The following USP7 variants were observed in gnomAD, a reference collection of about 807,000 sequenced individuals.
USP7 encodes ubiquitin C-terminal hydrolase 7.
In USP7, 9 loss-of-function variants were observed where a neutral mutation model predicts 162.9. The observed-to-expected ratio is 0.06, with a 90% CI of 0.03 to 0.10. The LOEUF (loss-of-function observed/expected upper bound fraction) is 0.10, where lower values mean the gene tolerates loss of function less well. Ranked by LOEUF, USP7 falls within the 10% of genes least tolerant of loss-of-function variation. The pLI is 1.00. For missense variants in USP7, 715 were observed against 1,373.7 expected, an observed-to-expected ratio of 0.52 and a Z score of 7.58; for synonymous variants, 562 against 475.9, an observed-to-expected ratio of 1.18 and a Z score of -2.35.
intron 1 of USP7, among the ~76,000 whole-genome samples, chr16:8,944,775 C>G (rs1322445800): frequency 6.6e-6 from 1 of 152,170 alleles, no homozygotes; most frequent in African/African-American, 2.4e-5. Flanking sequence ...CAAGGGCTGT[C>G]AGATCTTTTG....
chr16:8,933,922 A>T (rs940495406), intron 1 of USP7, among the ~76,000 whole-genome samples: 2 of 151,674 alleles, frequency 1.3e-5, no homozygotes, highest in South Asian at 4.2e-4. Flanking sequence ...CGCCCAGCTA[A>T]TTTTTTTTAT....
Position 8,962,024 on chromosome 16 carries a change from GAAGT to G in USP7, c.79+1179_79+1182del, listed in dbSNP as rs530521220. 4.3e-4 allele frequency among the ~76,000 whole-genome samples: 65 copies of G among 152,300 alleles called. 1 individual carries two copies. Among genetic ancestry groups the G allele is most frequent in the Admixed American group, 1.2e-3 (19 of 15,298 alleles). On this transcript the variant is annotated intron_variant, in intron 1 of 30. Transcript: ENST00000344836. Reference sequence around the variant, plus strand: ...TTTTTCAGTGACTATCCAATTACTGGAAGTAAGTTATTCTATTCAGAGGTGAACA... The same window carrying G: ...TTTTTCAGTGACTATCCAATTACTGGAAGTTATTCTATTCAGAGGTGAACA...
intron 2 of USP7, among the ~76,000 whole-genome samples, chr16:8,926,079 G>A (rs953377843): frequency 2.0e-5 from 3 of 151,938 alleles, no homozygotes; most frequent in South Asian, 2.1e-4. Flanking sequence ...GCGTGAACCC[G>A]GGAGGCGAAG....
chr16:8,912,702 G>C (rs1207146121), intron 10 of USP7, among the ~76,000 whole-genome samples: 3 of 151,626 alleles, frequency 2.0e-5, no homozygotes, highest in African/African-American at 7.3e-5. Context: ...CGGGCAGACT[G>C]ATTGGGCACA....
chr16:8,942,379 T>C (rs1284161771), intron 1 of USP7, among the ~76,000 whole-genome samples: 2 of 152,122 alleles, frequency 1.3e-5, no homozygotes, highest in African/African-American at 4.8e-5. Context: ...CCCACCCTTA[T>C]CACATGCTAG....
intron 1 of USP7, among the ~76,000 whole-genome samples, chr16:8,947,691 A>G (rs559869747): frequency 6.6e-6 from 1 of 152,318 alleles, no homozygotes; most frequent in East Asian, 1.9e-4. Flanking sequence ...GGTAAATAAC[A>G]GTAGCTATAA....
intron 8 of USP7, 30 bp from the exon 9 acceptor site, chr16:8,915,555 ACTT>A: frequency 6.3e-7 from 1 of 1,588,156 alleles, no homozygotes. Context: ...CTTTAAAAAA[ACTT>A]TTTTGTACTT....
rs1310463182 is a variant in USP7, at chr16:8,902,124, G to T, written c.2005C>A (p.Leu669Met). ...GGTAAGGTCGCTCCACTAGCAGCCA[G>T]CTCGGGATCAACTGTTTCCAGGAAT... ...TIFLETVDPE[L>M]AASGATLPKF... Residue 669 changes from leucine to methionine, a missense_variant, in exon 18 of 31, where the codon CTG (leucine) becomes ATG (methionine). Physicochemically the swap from Leu to Met is conservative, Grantham distance 15 (BLOSUM62 2). Transcript: ENST00000344836. 6.2e-7 allele frequency: 1 copy of T among 1,614,230 alleles called. No homozygotes were observed. The highest frequency in any genetic ancestry group is 1.7e-5 in the Admixed American group (1 of 60,026).
intron 10 of USP7, among the ~76,000 whole-genome samples, chr16:8,911,954 A>C (rs1482478000): frequency 6.6e-6 from 1 of 152,224 alleles, no homozygotes; most frequent in African/African-American, 2.4e-5. Flanking sequence ...TGGGAGACTC[A>C]GCTAACAACT....
At chr16:8,914,361 C>A (rs918537928) in intron 10 of USP7, among the ~76,000 whole-genome samples, 7 of 151,840 alleles carry the variant, frequency 4.6e-5, no homozygotes. Context: ...GGGAATCTCG[C>A]TAACTTGATC....
chr16:8,895,837 ATGTT>A, intron 26 of USP7, 96 bp from the exon 27 acceptor site: 1 of 734,928 alleles, frequency 1.4e-6, no homozygotes. Flanking sequence ...TTACCACGAT[ATGTT>A]TTTTTTTTTT....
At chr16:8,955,155 G>A (rs967694957) in intron 1 of USP7, among the ~76,000 whole-genome samples, 2 of 152,160 alleles carry the variant, frequency 1.3e-5, no homozygotes, top group Non-Finnish European at 2.9e-5. Context: ...AATAACCGCT[G>A]AAATGTAATT....
At chr16:8,926,213 C>T (rs1897981157) in intron 2 of USP7, among the ~76,000 whole-genome samples, 1 of 151,062 alleles carries the variant, frequency 6.6e-6, no homozygotes, top group African/African-American at 2.4e-5. Context: ...CGCGGTGGTT[C>T]GCGCCTGTAA....
chr16:8,915,543 G>C lies in USP7; in HGVS notation c.907-18C>G. The stretch of plus-strand genomic sequence containing the variant: ...TCGAGCAACTGAAAAAGAATGTTTT[G>C]GCTTTAAAAAAACTTTTTTGTACTT... On this transcript the variant is annotated intron_variant, in intron 8 of 30. Coordinates refer to ENST00000344836, the MANE Select transcript of USP7 (RefSeq NM_003470.3). 6.2e-7 allele frequency: 1 copy of C among 1,609,922 alleles called. No individual in the cohort carries two copies. The highest frequency in any genetic ancestry group is 8.5e-7 in the Non-Finnish European group (1 of 1,178,896).
At chr16:8,916,051 T>C (rs1897349909) in intron 8 of USP7, among the ~76,000 whole-genome samples, 1 of 152,202 alleles carries the variant, frequency 6.6e-6, no homozygotes, top group Non-Finnish European at 1.5e-5. Flanking sequence ...AATGAGGATT[T>C]GCTAGTGATT....
At position 8,930,544 on chromosome 16, in the gene USP7, A is replaced by AT. The variant is rs1898259972; in HGVS notation, c.80-148dup. 5.1e-6 allele frequency: 3 copies of AT among 588,798 alleles called. No individual in the cohort carries two copies. In the East Asian group the frequency reaches 9.0e-5, roughly 18 times the overall value. The allele number at this position is 588,798 out of a possible 1,614,324, so 36.5% of individuals were successfully genotyped here. A position where few individuals can be genotyped will look rare whatever the true frequency, so the allele number is the denominator to read the frequency against. On this transcript the variant is annotated intron_variant, in intron 1 of 30. Coordinates refer to ENST00000344836, the MANE Select transcript of USP7 (RefSeq NM_003470.3). ...AAAGATTCATTCTAATCCAAAAAAT[A>AT]TTTATACTAATGTTTACTACATACA...
chr16:8,930,063 C>A (rs1356368588), intron 2 of USP7, among the ~76,000 whole-genome samples: 2 of 152,198 alleles, frequency 1.3e-5, no homozygotes, highest in African/African-American at 2.4e-5. Context: ...TAAATTTAAA[C>A]CTACATTACA....
In USP7 at chr16:8,915,537, T is replaced by A. The variant is rs763738080; in HGVS notation, c.907-12A>T. 3 of 1,611,276 alleles carry A rather than the reference T, an allele frequency of 1.9e-6. No individual in the cohort carries two copies. The highest frequency in any genetic ancestry group is 2.5e-6 in the Non-Finnish European group (3 of 1,179,442). On this transcript the variant is annotated splice_polypyrimidine_tract_variant and intron_variant, in intron 8 of 30. Coordinates refer to ENST00000344836, the MANE Select transcript of USP7 (RefSeq NM_003470.3). Reference sequence around the variant, plus strand: ...ACATTATCGAGCAACTGAAAAAGAATGTTTTGGCTTTAAAAAAACTTTTTT... The same window carrying A: ...ACATTATCGAGCAACTGAAAAAGAAAGTTTTGGCTTTAAAAAAACTTTTTT...
intron 16 of USP7, 40 bp downstream of exon 16, chr16:8,903,228 G>GGGAGCCACGGTGGGGT: frequency 1.9e-6 from 3 of 1,588,474 alleles, no homozygotes; most frequent in Non-Finnish European, 1.7e-6. Flanking sequence ...GGTGGACGTT[G>GGGAGCCACGGTGGGGT]GGAGCCACGG....
Sources: allele counts gnomAD v4.1 joint callset (sites outside exome capture counted in the v4.1 genomes callset), GRCh38; gene constraint gnomAD v4.1.1; transcripts MANE v1.5; gene names NCBI Gene and HGNC (gene_info 2026-07-23, HGNC 2026-07-21).